Variants in ST6GALNAC5 observed in about 807,000 individuals in gnomAD.
ST6GALNAC5 encodes the protein alpha-N-acetylgalactosaminide alpha-2,6-sialyltransferase 5.
In ST6GALNAC5, 27 loss-of-function variants were observed where a neutral mutation model predicts 33.6. The observed-to-expected ratio is 0.80, with a 90% CI of 0.59 to 1.11. ST6GALNAC5 has a LOEUF of 1.11. Ranked by LOEUF, ST6GALNAC5 falls within the 50% of genes least tolerant of loss-of-function variation. The pLI, the probability that ST6GALNAC5 is intolerant of heterozygous loss-of-function variation, is 0.00. For missense variants in ST6GALNAC5, 428 were observed against 454.0 expected (o/e 0.94, Z 0.52); for synonymous variants, 194 against 171.2 (o/e 1.13, Z -1.04).
chr1:76,912,669 C>T (rs1646926837), intron 2 of ST6GALNAC5, among the ~76,000 whole-genome samples: 1 of 150,542 alleles, frequency 6.6e-6, no homozygotes, highest in Non-Finnish European at 1.5e-5. Context: ...ATCCCTTTAC[C>T]ATTATGTAAT....
chr1:77,037,895 T>G (rs1333931950), intron 2 of ST6GALNAC5, among the ~76,000 whole-genome samples: 2 of 152,086 alleles, frequency 1.3e-5, no homozygotes, highest in Non-Finnish European at 2.9e-5. Flanking sequence ...AAAAGAGGTA[T>G]CAAGAAAGAT....
chr1:76,906,828 A>G (rs1031655918), intron 2 of ST6GALNAC5, among the ~76,000 whole-genome samples: 2 of 151,978 alleles, frequency 1.3e-5, no homozygotes, highest in East Asian at 3.8e-4. Context: ...TAGGTACTTT[A>G]TTTCAACATA....
chr1:77,005,023 G>A (rs1455156226), intron 2 of ST6GALNAC5, among the ~76,000 whole-genome samples: 1 of 151,210 alleles, frequency 6.6e-6, no homozygotes, highest in African/African-American at 2.4e-5. Flanking sequence ...GCTCCACCCA[G>A]TTCGAGCTTC....
chr1:77,049,396 C>A (rs1297333150), intron 3 of ST6GALNAC5, among the ~76,000 whole-genome samples: 4 of 152,024 alleles, frequency 2.6e-5, no homozygotes, highest in Non-Finnish European at 5.9e-5. Flanking sequence ...AGCAGCAACC[C>A]CCGAAGAATT....
chr1:76,876,680 C>T (rs966535588), intron 2 of ST6GALNAC5, among the ~76,000 whole-genome samples: 3 of 152,206 alleles, frequency 2.0e-5, no homozygotes, highest in Admixed American at 6.5e-5. Flanking sequence ...GCAAAGTGCA[C>T]AACCACGTGC....
At chr1:76,895,291 TG>T (rs898925761) in intron 2 of ST6GALNAC5, among the ~76,000 whole-genome samples, 17 of 151,756 alleles carry the variant, frequency 1.1e-4, no homozygotes, top group African/African-American at 1.7e-4. Flanking sequence ...GTGAAAATTT[TG>T]GGGGGGTGAT....
chr1:76,999,052 C>G (rs1650043453), intron 2 of ST6GALNAC5, among the ~76,000 whole-genome samples: 1 of 152,078 alleles, frequency 6.6e-6, no homozygotes, highest in Non-Finnish European at 1.5e-5. Flanking sequence ...TCAATTTATT[C>G]TTGTTCCAAT....
At chr1:76,874,113 C>T (rs185692609) in intron 2 of ST6GALNAC5, among the ~76,000 whole-genome samples, 1 of 152,268 alleles carries the variant, frequency 6.6e-6, no homozygotes, top group African/African-American at 2.4e-5. Flanking sequence ...TCTATTATTA[C>T]CTTAGAAGTT....
chr1:76,962,474 A>G (rs933937934), intron 2 of ST6GALNAC5, among the ~76,000 whole-genome samples: 2 of 152,240 alleles, frequency 1.3e-5, no homozygotes, highest in Non-Finnish European at 2.9e-5. Flanking sequence ...CTTTCATTTT[A>G]ACAGAGACCT....
At chr1:76,895,654 G>A (rs1438712332) in intron 2 of ST6GALNAC5, among the ~76,000 whole-genome samples, 1 of 152,192 alleles carries the variant, frequency 6.6e-6, no homozygotes, top group Non-Finnish European at 1.5e-5. Flanking sequence ...GCAGTTTGGG[G>A]ATAGCACCAG....
chr1:76,921,466 A>G (rs1557723760), intron 2 of ST6GALNAC5, among the ~76,000 whole-genome samples: 1 of 152,186 alleles, frequency 6.6e-6, no homozygotes, highest in Non-Finnish European at 1.5e-5. Context: ...TAAGACTCAC[A>G]AAGTTATAAA....
intron 2 of ST6GALNAC5, among the ~76,000 whole-genome samples, chr1:77,005,133 C>G (rs1650345140): frequency 6.6e-6 from 1 of 152,210 alleles, no homozygotes; most frequent in Non-Finnish European, 1.5e-5. Flanking sequence ...GCTGTGCTAG[C>G]AATCAGCGAG....
intron 2 of ST6GALNAC5, among the ~76,000 whole-genome samples, chr1:76,891,027 C>A (rs1333053873): frequency 6.6e-6 from 1 of 152,052 alleles, no homozygotes; most frequent in African/African-American, 2.4e-5. Context: ...ATATTTTTAA[C>A]AATAAAACTT....
rs558334142 is a variant in ST6GALNAC5 at position 76,974,638 on chromosome 1, T to C, written c.262-69566T>C. Among the ~76,000 whole-genome samples, 14 of 151,974 alleles carry C rather than the reference T, an allele frequency of 9.2e-5. No homozygotes were observed. The South Asian group carries it at 2.9e-3, about 32-fold the overall frequency. ...AAGTGTGGGTCTGGTGTGAAGGTTA[T>C]TGAATTCTGTATGTTAGTTTATAAC... On this transcript the variant is annotated intron_variant, in intron 2 of 4. Transcript: ENST00000477717.
chr1:77,003,615 T>C (rs1394450005), intron 2 of ST6GALNAC5, among the ~76,000 whole-genome samples: 1 of 152,172 alleles, frequency 6.6e-6, no homozygotes, highest in African/African-American at 2.4e-5. Context: ...GGCATGATTT[T>C]GCAGCGGCTG....
chr1:76,949,265 G>A (rs1375668062), intron 2 of ST6GALNAC5, among the ~76,000 whole-genome samples: 1 of 152,092 alleles, frequency 6.6e-6, no homozygotes, highest in Admixed American at 6.5e-5. Context: ...TTCTTCCCGA[G>A]GCCAATTCTC....
intron 2 of ST6GALNAC5, among the ~76,000 whole-genome samples, chr1:76,931,551 T>C (rs1157999984): frequency 6.6e-6 from 1 of 152,156 alleles, no homozygotes; most frequent in Non-Finnish European, 1.5e-5. Flanking sequence ...GATTTAAGTA[T>C]ATGATACTTA....
intron 2 of ST6GALNAC5, among the ~76,000 whole-genome samples, chr1:76,888,452 T>C (rs554600057): frequency 1.3e-5 from 2 of 152,182 alleles, no homozygotes; most frequent in Non-Finnish European, 2.9e-5. Flanking sequence ...GAATACACTA[T>C]AGCTGGAATT....
At position 76,986,833 on chromosome 1, in the gene ST6GALNAC5, T is replaced by C. The variant is rs145454097; in HGVS notation, c.262-57371T>C. ...TACACCATGGAATACTCTGCAGCCA[T>C]AAAAAAATAAAGGATGAGTTCATGT... On this transcript the variant is annotated intron_variant, in intron 2 of 4. Transcript: ENST00000477717. 0.012 allele frequency among the ~76,000 whole-genome samples: 1,889 copies of C among 152,100 alleles called. 100 individuals are homozygous for C. In the East Asian group the frequency reaches 0.17, roughly 13 times the overall value.
Sources: gnomAD v4.1 joint callset for allele counts (sites outside exome capture counted in the v4.1 genomes callset) on GRCh38, gnomAD v4.1.1 for gene constraint, MANE v1.5 for transcripts, NCBI Gene and HGNC (gene_info 2026-07-23, HGNC 2026-07-21) for gene names.